NECTIN3: variants seen among roughly 807,000 people sequenced by gnomAD.
The protein encoded by NECTIN3 is nectin-3.
In NECTIN3, 8 loss-of-function variants were observed where a neutral mutation model predicts 49.4. The ratio of observed to expected loss-of-function variants is 0.16; its 90% CI spans 0.10 to 0.29. The LOEUF (loss-of-function observed/expected upper bound fraction) is 0.29, where lower values mean the gene tolerates loss of function less well. Ranked by LOEUF, NECTIN3 falls within the 10% of genes least tolerant of loss-of-function variation. The pLI is 1.00. For synonymous variants in NECTIN3, 277 were observed against 241.1 expected (o/e 1.15, Z -1.38); for missense variants, 581 against 654.6 (o/e 0.89, Z 1.23).
At chr3:111,094,313 A>G (rs1405381411) in intron 1 of NECTIN3, among the ~76,000 whole-genome samples, 1 of 152,206 alleles carries the variant, frequency 6.6e-6, no homozygotes, top group East Asian at 1.9e-4. Context: ...TTTAAAAATC[A>G]TCATAATTTG....
At chr3:111,094,893 G>A (rs867024853) in intron 1 of NECTIN3, among the ~76,000 whole-genome samples, 2 of 152,088 alleles carry the variant, frequency 1.3e-5, no homozygotes, top group Admixed American at 6.6e-5. Flanking sequence ...TCAGTTAATG[G>A]TAGAACCCCT....
intron 7 of NECTIN3, among the ~76,000 whole-genome samples, chr3:111,154,663 T>C (rs1038534800): frequency 2.0e-5 from 3 of 152,320 alleles, no homozygotes; most frequent in Admixed American, 6.5e-5. Context: ...TGGTCAGACA[T>C]TAAAAATTTT....
At chr3:111,085,305 G>A (rs958503291) in intron 1 of NECTIN3, among the ~76,000 whole-genome samples, 1 of 152,206 alleles carries the variant, frequency 6.6e-6, no homozygotes, top group Non-Finnish European at 1.5e-5. Context: ...GGCTGTGTAA[G>A]CTGTGAGATT....
At chr3:111,142,242 A>G (rs1293326947), downstream of NECTIN3, among the ~76,000 whole-genome samples, 1 of 151,918 alleles carries the variant, frequency 6.6e-6, no homozygotes, top group African/African-American at 2.4e-5. Context: ...TATATCCCAT[A>G]TGCTTATTTA....
chr3:111,115,597 CTGCTT>C (rs1317069765), intron 2 of NECTIN3, among the ~76,000 whole-genome samples: 1 of 152,204 alleles, frequency 6.6e-6, no homozygotes, highest in Admixed American at 6.5e-5. Context: ...TTGAGAAACA[CTGCTT>C]TGATCACATC....
rs1559802426 is a variant in NECTIN3 at position 111,136,078 on chromosome 3, G to A, written c.*1863G>A. 3 of 920,358 alleles carry A rather than the reference G, an allele frequency of 3.3e-6. No homozygotes were observed. Among genetic ancestry groups the A allele is most frequent in the Non-Finnish European group, 3.9e-6 (3 of 774,974 alleles). The allele number at this position is 920,358 out of a possible 1,614,324, so 57.0% of individuals were successfully genotyped here. A position where few individuals can be genotyped will look rare whatever the true frequency, so the allele number is the denominator to read the frequency against. On this transcript the variant is annotated 3_prime_UTR_variant, in exon 6 of 6. Coordinates refer to ENST00000485303, the MANE Select transcript of NECTIN3 (RefSeq NM_015480.3). ...ATGTGACTTTATTTTTAATTTAAAC[G>A]ATGAGGTGGCCAGAAGAAAGATGGG...
intron 1 of NECTIN3, among the ~76,000 whole-genome samples, chr3:111,087,459 C>T (rs1254656762): frequency 6.6e-6 from 1 of 152,058 alleles, no homozygotes; most frequent in African/African-American, 2.4e-5. Flanking sequence ...TCAAGACCAG[C>T]CTGGCCAACA....
At chr3:111,169,674 A>G (rs1005271755) in intron 7 of NECTIN3, among the ~76,000 whole-genome samples, 26 of 152,128 alleles carry the variant, frequency 1.7e-4, no homozygotes, top group Admixed American at 1.6e-3. Flanking sequence ...AGTACATTCT[A>G]TTTATCTCCT....
intron 6 of NECTIN3, among the ~76,000 whole-genome samples, chr3:111,145,449 A>G (rs1180296828): frequency 1.3e-5 from 2 of 152,242 alleles, no homozygotes; most frequent in African/African-American, 4.8e-5. Flanking sequence ...TGAACTATCA[A>G]GTTATTAAAT....
chr3:111,090,131 T>C (rs1293776366), intron 1 of NECTIN3, among the ~76,000 whole-genome samples: 2 of 152,188 alleles, frequency 1.3e-5, no homozygotes, highest in African/African-American at 4.8e-5. Context: ...TTCTGTGTCC[T>C]TAAATTTAAG....
rs577539476 is a variant in NECTIN3 at position 111,088,997 on chromosome 3, A to G, written c.160+16820A>G. 1.9e-4 allele frequency among the ~76,000 whole-genome samples: 29 copies of G among 152,218 alleles called. No homozygotes were observed. The South Asian group carries it at 6.0e-3, about 32-fold the overall frequency. On this transcript the variant is annotated intron_variant, in intron 1 of 5. Transcript: ENST00000485303. Reference sequence around the variant, plus strand: ...GATTTAATATCTTAATAATTATAGTACTAGTCAGATTGATTGTGTCATTTT... The same window carrying G: ...GATTTAATATCTTAATAATTATAGTGCTAGTCAGATTGATTGTGTCATTTT...
At chr3:111,192,481 T>C (rs1037657695) in intron 1 of NECTIN3, 1 of 1,360,528 alleles carries the variant, frequency 7.4e-7, no homozygotes, top group African/African-American at 1.5e-5. Flanking sequence ...TAAAATATCA[T>C]TTAATTGTAT....
chr3:111,157,183 A>G (rs2035114258), intron 7 of NECTIN3, among the ~76,000 whole-genome samples: 1 of 152,302 alleles, frequency 6.6e-6, no homozygotes, highest in East Asian at 1.9e-4. Context: ...AGTTTCAGTC[A>G]TTGATACTGC....
intron 4 of NECTIN3, among the ~76,000 whole-genome samples, chr3:111,123,613 A>G (rs2034042308): frequency 6.6e-6 from 1 of 152,142 alleles, no homozygotes; most frequent in African/African-American, 2.4e-5. Flanking sequence ...GTATTTGTAC[A>G]GAGTTGGGAG....
intron 7 of NECTIN3, among the ~76,000 whole-genome samples, chr3:111,171,838 G>A (rs1201101924): frequency 6.6e-6 from 1 of 151,904 alleles, no homozygotes; most frequent in Non-Finnish European, 1.5e-5. Context: ...TATCCAACTT[G>A]CCCTGCTAAA....
At chr3:111,086,430 A>AT (rs1268070198) in intron 1 of NECTIN3, among the ~76,000 whole-genome samples, 1 of 152,108 alleles carries the variant, frequency 6.6e-6, no homozygotes, top group Non-Finnish European at 1.5e-5. Context: ...TACATCTAAA[A>AT]TTTATTTTTG....
chr3:111,145,041 G>T (rs2034840769), intron 6 of NECTIN3: 2 of 1,535,812 alleles, frequency 1.3e-6, no homozygotes, highest in Non-Finnish European at 1.7e-6. Flanking sequence ...ACAAAGTGTA[G>T]GTAACTTTTT....
At chr3:111,130,019 G>A (rs568134667) in intron 5 of NECTIN3, among the ~76,000 whole-genome samples, 68 of 147,740 alleles carry the variant, frequency 4.6e-4, no homozygotes, top group Non-Finnish European at 9.1e-4. Flanking sequence ...GCAGTGGAGC[G>A]ATCTTGGCTC....
Position 111,136,667 on chromosome 3 carries a change from A to G in NECTIN3, c.*2452A>G, listed in dbSNP as rs2034585942. ...CTTGACAGGTATATATGAAAATTCT[A>G]CTATCGTGAAAAAAAATGAATATTT... is the stretch of plus-strand genomic sequence containing the variant. On this transcript the variant is annotated 3_prime_UTR_variant, in exon 6 of 6. Transcript: ENST00000485303. 2 of 909,102 alleles carry G rather than the reference A, an allele frequency of 2.2e-6. No homozygotes were observed. Among genetic ancestry groups the G allele is most frequent in the South Asian group, 5.1e-5 (1 of 19,678 alleles). 56.3% of individuals were successfully genotyped at this position (909,102 alleles called of 1,614,324 possible).
Sources: allele counts gnomAD v4.1 joint callset (sites outside exome capture counted in the v4.1 genomes callset), GRCh38; gene constraint gnomAD v4.1.1; transcripts MANE v1.5; gene names NCBI Gene and HGNC (gene_info 2026-07-23, HGNC 2026-07-21).